CDH3: variants seen among roughly 807,000 people sequenced by gnomAD.
CDH3 encodes the protein cadherin 3.
CDH3 carries 54 observed loss-of-function variants against 82.0 expected under a neutral mutation model. The observed-to-expected ratio is 0.66, with a 90% CI of 0.53 to 0.83. The LOEUF (loss-of-function observed/expected upper bound fraction) is 0.83. Ranked by LOEUF, CDH3 falls within the 40% of genes least tolerant of loss-of-function variation. The pLI is 0.00. For missense variants in CDH3, 1,054 were observed against 1,084.6 expected (o/e 0.97, Z 0.40); for synonymous variants, 446 against 437.9 (o/e 1.02, Z -0.23).
chr16:68,670,823 A>G (rs577143402), intron 2 of CDH3, among the ~76,000 whole-genome samples: 1 of 152,292 alleles, frequency 6.6e-6, no homozygotes, highest in Non-Finnish European at 1.5e-5. Context: ...CTGTAATCCC[A>G]GCACTTTGGG....
At chr16:68,728,383 T>C (rs1962248909), downstream of CDH3, among the ~76,000 whole-genome samples, 1 of 152,128 alleles carries the variant, frequency 6.6e-6, no homozygotes. Context: ...GCCAGGATGG[T>C]CTCGATCTCC....
chr16:68,695,382 C>G lies in CDH3; in HGVS notation c.2130C>G (p.Asp710Glu). The change falls in exon 14 of 16, where the codon GAC becomes GAG. Residue 710 changes from aspartate to glutamate, a missense_variant. Asp to Glu is a conservative substitution (Grantham distance 45). Coordinates refer to ENST00000264012, the MANE Select transcript of CDH3 (RefSeq NM_001793.6). ...GCGAAGAGGGGGGTGGCGAAGAGGA[C>G]CAGGTGGGGCACTGGGGGCTCTGGG... ...YYGEEGGGEE[D>E]QDYDITQLHR... 1 of 1,609,450 alleles carries G rather than the reference C, an allele frequency of 6.2e-7. No homozygotes were observed. The highest frequency in any genetic ancestry group is 8.5e-7 in the Non-Finnish European group (1 of 1,177,968).
chr16:68,711,349 GAAAGA>G (rs1962029007), intron 1 of CDH3, among the ~76,000 whole-genome samples: 1 of 147,986 alleles, frequency 6.8e-6, no homozygotes, highest in African/African-American at 2.5e-5. Context: ...GAAAGAAAAA[GAAAGA>G]AAAGGAAAGA....
chr16:68,725,992 G>A (rs910045316), intron 2 of CDH3, among the ~76,000 whole-genome samples: 10 of 152,244 alleles, frequency 6.6e-5, no homozygotes, highest in Admixed American at 2.6e-4. Flanking sequence ...GAGGCAGACG[G>A]AGGTTGCAGT....
At chr16:68,727,075 C>G (rs1465606281) in intron 2 of CDH3, among the ~76,000 whole-genome samples, 1 of 152,214 alleles carries the variant, frequency 6.6e-6, no homozygotes, top group Non-Finnish European at 1.5e-5. Flanking sequence ...ACCATTCAGT[C>G]TACTGAGGGC....
intron 1 of CDH3, among the ~76,000 whole-genome samples, chr16:68,722,010 A>G (rs1035788117): frequency 6.6e-6 from 1 of 152,044 alleles, no homozygotes; most frequent in Non-Finnish European, 1.5e-5. Flanking sequence ...AATTGCTTGA[A>G]CCTGGGAGGC....
At chr16:68,731,459 C>A (rs1490673779), downstream of CDH3, among the ~76,000 whole-genome samples, 1 of 13,774 alleles carries the variant, frequency 7.3e-5, no homozygotes. Context: ...CACGTATATA[C>A]ACATATATAT....
At chr16:68,691,035 C>T (rs1415198446) in intron 12 of CDH3, among the ~76,000 whole-genome samples, 4 of 134,190 alleles carry the variant, frequency 3.0e-5, no homozygotes, top group Non-Finnish European at 6.2e-5. Context: ...TTGAGACAGT[C>T]CTGCTCTGTC....
chr16:68,721,471 T>C (rs1962164098), intron 1 of CDH3, among the ~76,000 whole-genome samples: 1 of 152,016 alleles, frequency 6.6e-6, no homozygotes, highest in Non-Finnish European at 1.5e-5. Flanking sequence ...TAACCTCAGA[T>C]GATCAACCCG....
intron 9 of CDH3, among the ~76,000 whole-genome samples, chr16:68,684,067 C>CAAAA (rs33992366): frequency 1.0e-4 from 12 of 119,786 alleles, no homozygotes; most frequent in African/African-American, 2.6e-4. Context: ...ACTCCGTCTC[C>CAAAA]AAAAAAAAAA....
At chr16:68,688,750 C>A (rs554128869) in intron 12 of CDH3, among the ~76,000 whole-genome samples, 7 of 152,160 alleles carry the variant, frequency 4.6e-5, no homozygotes, top group Non-Finnish European at 1.0e-4. Context: ...GCCTGAGTAG[C>A]TGAGATTACA....
intron 1 of CDH3, among the ~76,000 whole-genome samples, chr16:68,719,791 A>G (rs901308061): frequency 3.9e-5 from 6 of 151,946 alleles, no homozygotes; most frequent in African/African-American, 1.4e-4. Flanking sequence ...GAGCCACCAC[A>G]CCCAGAGATG....
At chr16:68,658,431 C>T (rs1960467412) in intron 2 of CDH3, among the ~76,000 whole-genome samples, 1 of 152,122 alleles carries the variant, frequency 6.6e-6, no homozygotes, top group Non-Finnish European at 1.5e-5. Context: ...CCTAACTTCC[C>T]TGTGCGTGCA....
intron 1 of CDH3, among the ~76,000 whole-genome samples, chr16:68,713,919 TTTA>T (rs146101205): frequency 0.38 from 55,961 of 147,376 alleles, 11,642 homozygotes; most frequent in East Asian, 0.47. Context: ...TTTTATTCTA[TTTA>T]TTATTATTAT....
intron 1 of CDH3, among the ~76,000 whole-genome samples, chr16:68,713,110 A>G (rs991153802): frequency 3.9e-5 from 6 of 152,000 alleles, no homozygotes; most frequent in African/African-American, 1.2e-4. Flanking sequence ...GTCTCTATGG[A>G]AATGAAGTCA....
chr16:68,665,498 G>C (rs1407083367), intron 2 of CDH3, among the ~76,000 whole-genome samples: 1 of 152,150 alleles, frequency 6.6e-6, no homozygotes, highest in East Asian at 1.9e-4. Context: ...CCATTTTAGA[G>C]ACTGGAAATT....
chr16:68,652,861 G>A (rs549533997), intron 2 of CDH3, among the ~76,000 whole-genome samples: 11 of 152,244 alleles, frequency 7.2e-5, no homozygotes, highest in South Asian at 2.1e-4. Flanking sequence ...AGATTCTTGC[G>A]TAATTCTGGA....
intron 11 of CDH3, among the ~76,000 whole-genome samples, chr16:68,686,139 A>G (rs1457398406): frequency 6.6e-6 from 1 of 152,248 alleles, no homozygotes; most frequent in East Asian, 1.9e-4. Context: ...AACATGGCAA[A>G]ACACTGTCTC....
chr16:68,662,781 C>T (rs549502010), intron 2 of CDH3, among the ~76,000 whole-genome samples: 12 of 150,620 alleles, frequency 8.0e-5, no homozygotes, highest in East Asian at 2.0e-4. Context: ...CTCCTGACCT[C>T]GTGATCCACC....
Sources: allele counts gnomAD v4.1 joint callset (sites outside exome capture counted in the v4.1 genomes callset), GRCh38; gene constraint gnomAD v4.1.1; transcripts MANE v1.5; gene names NCBI Gene and HGNC (gene_info 2026-07-23, HGNC 2026-07-21).